Variants in NUAK1 observed in about 807,000 individuals in gnomAD.
The protein encoded by NUAK1 is NUAK family kinase 1.
NUAK1 carries 26 observed loss-of-function variants against 56.9 expected under a neutral mutation model. That is an observed-to-expected ratio of 0.46 (90% CI 0.33 to 0.63). The LOEUF (loss-of-function observed/expected upper bound fraction) is 0.63. Among genes scored for constraint, NUAK1 ranks in the 30% least tolerant of loss-of-function variants. The probability of loss-of-function intolerance (pLI) is 0.02; values close to 1 mark genes in which losing one functional copy is unlikely to be tolerated. For synonymous variants in NUAK1, 337 were observed against 336.0 expected, an observed-to-expected ratio of 1.00 and a Z score of -0.03; for missense variants, 727 against 876.1, an observed-to-expected ratio of 0.83 and a Z score of 2.15.
chr12:106,086,715 G>T lies in NUAK1; in HGVS notation c.513+19C>A, dbSNP rs370710739. 6.3e-7 allele frequency: 1 copy of T among 1,589,826 alleles called. No individual in the cohort carries two copies. The highest frequency in any genetic ancestry group is 1.7e-5 in the Admixed American group (1 of 59,360). ...AAAAACCATCTACGGCCAAAGCTGC[G>T]GGCCAGGCGCAGCCATACCTTGTGA... On this transcript the variant is annotated intron_variant, in intron 3 of 6. Coordinates refer to ENST00000261402, the MANE Select transcript of NUAK1 (RefSeq NM_014840.3).
chr12:106,101,250 C>T (rs1163721119), intron 2 of NUAK1, among the ~76,000 whole-genome samples: 4 of 152,178 alleles, frequency 2.6e-5, no homozygotes, highest in Admixed American at 6.5e-5. Flanking sequence ...ATCAGAAATA[C>T]GGATGAGGCA....
intron 4 of NUAK1, among the ~76,000 whole-genome samples, chr12:106,078,282 T>C (rs2032483064): frequency 6.6e-6 from 1 of 152,216 alleles, no homozygotes; most frequent in Admixed American, 6.5e-5. Flanking sequence ...CACGGTTCTG[T>C]GAGTGCTACA....
At chr12:106,078,475 G>C (rs750179641) in intron 4 of NUAK1, among the ~76,000 whole-genome samples, 3 of 152,212 alleles carry the variant, frequency 2.0e-5, no homozygotes, top group Non-Finnish European at 4.4e-5. Context: ...AGTTATTGCT[G>C]TCAGGTGGCT....
chr12:106,128,224 CG>C (rs2033043998), intron 1 of NUAK1, among the ~76,000 whole-genome samples: 1 of 151,766 alleles, frequency 6.6e-6, no homozygotes, highest in South Asian at 2.1e-4. Flanking sequence ...CTCCGCCTCC[CG>C]GGTTCAAGCG....
At chr12:106,116,492 C>A (rs114913965) in intron 1 of NUAK1, among the ~76,000 whole-genome samples, 2,490 of 152,322 alleles carry the variant, frequency 0.016, 74 homozygotes, top group African/African-American at 0.057. Flanking sequence ...TTAAGCCTCT[C>A]AACCTCTCAC....
chr12:106,123,585 C>A (rs1309677735), intron 1 of NUAK1, among the ~76,000 whole-genome samples: 1 of 152,192 alleles, frequency 6.6e-6, no homozygotes, highest in East Asian at 1.9e-4. Flanking sequence ...GCACCATGTG[C>A]TATATCAAAT....
At chr12:106,073,370 G>A (rs2032425897) in intron 4 of NUAK1, among the ~76,000 whole-genome samples, 1 of 152,086 alleles carries the variant, frequency 6.6e-6, no homozygotes, top group Admixed American at 6.6e-5. Context: ...TATTTTGCCT[G>A]TCTTGTGACT....
intron 4 of NUAK1, among the ~76,000 whole-genome samples, chr12:106,075,050 G>T (rs575811612): frequency 6.6e-6 from 1 of 152,066 alleles, no homozygotes; most frequent in South Asian, 2.1e-4. Context: ...CGTGTGAGAG[G>T]CACCCGCTGC....
Position 106,067,567 on chromosome 12 carries a change from G to C in NUAK1, c.1221C>G (p.Ser407Arg), listed in dbSNP as rs368677538. 2 of 1,614,100 alleles carry C rather than the reference G, an allele frequency of 1.2e-6. No homozygotes were observed. The highest frequency in any genetic ancestry group is 1.7e-6 in the Non-Finnish European group (2 of 1,180,046). Residue 407 changes from serine (S) to arginine (R), a missense_variant, in exon 7 of 7, where the codon AGC (serine) becomes AGG (arginine). Transcript: ENST00000261402. This position sits in a 1 kb window ranked among gnomAD's most constrained non-coding sequence, Gnocchi z 6.0. ...AGCCAGTGCTGTGAGAGCGATGCTC[G>C]CTGTTGCTTCGCTTCTTCAGGATCC... The part of the protein sequence containing the change: ...PKGILKKRSN[S>R]EHRSHSTGFI...
At chr12:106,074,310 A>G (rs1410169631) in intron 4 of NUAK1, among the ~76,000 whole-genome samples, 2 of 152,222 alleles carry the variant, frequency 1.3e-5, no homozygotes, top group African/African-American at 2.4e-5. Context: ...GTACTGCTCC[A>G]AACACTTTAT....
chr12:106,100,107 C>T (rs2032733016), intron 2 of NUAK1, among the ~76,000 whole-genome samples: 1 of 149,774 alleles, frequency 6.7e-6, no homozygotes, highest in Non-Finnish European at 1.5e-5. Flanking sequence ...GATGAAACCC[C>T]ATCTCTACCA....
At chr12:106,092,306 CAGGAGACCGAG>C (rs1443204991) in intron 2 of NUAK1, among the ~76,000 whole-genome samples, 1 of 152,076 alleles carries the variant, frequency 6.6e-6, no homozygotes, top group Non-Finnish European at 1.5e-5. Context: ...ATCATGAGGT[CAGGAGACCGAG>C]ACCAGCCTGG....
At chr12:106,125,579 C>T (rs2033018206) in intron 1 of NUAK1, among the ~76,000 whole-genome samples, 1 of 152,206 alleles carries the variant, frequency 6.6e-6, no homozygotes, top group Non-Finnish European at 1.5e-5. Flanking sequence ...GCCTGGCACA[C>T]ACTGATCACT....
intron 1 of NUAK1, among the ~76,000 whole-genome samples, chr12:106,137,411 A>T (rs1219798847): frequency 1.3e-5 from 2 of 152,216 alleles, no homozygotes; most frequent in African/African-American, 2.4e-5. Context: ...AATACATCTG[A>T]TCTGCTTCAA....
intron 4 of NUAK1, among the ~76,000 whole-genome samples, chr12:106,073,809 T>G (rs894859623): frequency 6.6e-6 from 1 of 151,650 alleles, no homozygotes; most frequent in Non-Finnish European, 1.5e-5. Context: ...CAAAGCGAGA[T>G]TCAATCTCAA....
chr12:106,129,764 G>A (rs2033058454), intron 1 of NUAK1, among the ~76,000 whole-genome samples: 1 of 152,176 alleles, frequency 6.6e-6, no homozygotes, highest in South Asian at 2.1e-4. Context: ...TGTGCTGGAA[G>A]CTTCCAAATC....
intron 6 of NUAK1, 47 bp from the exon 7 acceptor site, chr12:106,068,002 T>C: frequency 1.3e-6 from 2 of 1,547,332 alleles, no homozygotes; most frequent in Non-Finnish European, 1.7e-6. Flanking sequence ...TGGGAGCTTC[T>C]GGCTTTGTGA....
chr12:106,121,502 C>A (rs775805016), intron 1 of NUAK1, among the ~76,000 whole-genome samples: 46 of 152,192 alleles, frequency 3.0e-4, no homozygotes, highest in Admixed American at 1.8e-3. Flanking sequence ...GTAATCCCAG[C>A]ACTTTGGGAG....
intron 1 of NUAK1, among the ~76,000 whole-genome samples, chr12:106,137,594 C>T (rs2033141558): frequency 1.3e-5 from 2 of 152,238 alleles, no homozygotes; most frequent in African/African-American, 2.4e-5. Flanking sequence ...GACCCCAAGG[C>T]ACTCAAAGCA....
Sources: gnomAD v4.1 joint callset for allele counts (sites outside exome capture counted in the v4.1 genomes callset) on GRCh38, gnomAD v4.1.1 for gene constraint, Gnocchi (gnomAD v3.1) non-coding constraint, MANE v1.5 for transcripts, NCBI Gene and HGNC (gene_info 2026-07-23, HGNC 2026-07-21) for gene names.